SLC26A8: variants seen among roughly 807,000 people sequenced by gnomAD.
The protein encoded by SLC26A8 is solute carrier family 26 member 8, also known as testis anion transporter 1.
SLC26A8 carries 70 observed loss-of-function variants against 105.0 expected under a neutral mutation model. The observed-to-expected ratio is 0.67, with a 90% CI of 0.55 to 0.81. SLC26A8 has a LOEUF of 0.81. Among genes scored for constraint, SLC26A8 ranks in the 40% least tolerant of loss-of-function variants. SLC26A8 has a pLI of 0.00. For synonymous variants in SLC26A8, 415 were observed against 438.3 expected, an observed-to-expected ratio of 0.95 and a Z score of 0.66; for missense variants, 998 against 1,181.8, an observed-to-expected ratio of 0.84 and a Z score of 2.28.
chr6:35,985,953 A>AATAT (rs56411571), intron 7 of SLC26A8, among the ~76,000 whole-genome samples: 88 of 150,724 alleles, frequency 5.8e-4, no homozygotes, highest in African/African-American at 4.6e-4. Context: ...GTTGTTTTAA[A>AATAT]ATATATATAT....
At chr6:35,945,955 C>T (rs1369756780) in intron 19 of SLC26A8, among the ~76,000 whole-genome samples, 1 of 152,166 alleles carries the variant, frequency 6.6e-6, no homozygotes, top group Non-Finnish European at 1.5e-5. Context: ...TTCCTCCTTC[C>T]TTCCTGGTTG....
chr6:35,980,925 T>C (rs1231666540), intron 8 of SLC26A8, among the ~76,000 whole-genome samples: 1 of 151,818 alleles, frequency 6.6e-6, no homozygotes. Flanking sequence ...AGCAGGAGAA[T>C]CACTTGAACC....
chr6:35,987,526 C>A (rs1338643901), intron 7 of SLC26A8, among the ~76,000 whole-genome samples: 1 of 152,242 alleles, frequency 6.6e-6, no homozygotes, highest in East Asian at 1.9e-4. Context: ...TGCACAACAC[C>A]ATGCCCAGCT....
At chr6:35,999,700 C>A (rs1172986451) in intron 4 of SLC26A8, among the ~76,000 whole-genome samples, 2 of 152,148 alleles carry the variant, frequency 1.3e-5, no homozygotes, top group East Asian at 3.8e-4. Flanking sequence ...ATTCCTGCAT[C>A]TTCTGGGTTG....
At chr6:35,993,805 C>T (rs1217324696) in intron 5 of SLC26A8, among the ~76,000 whole-genome samples, 3 of 151,974 alleles carry the variant, frequency 2.0e-5, no homozygotes, top group East Asian at 3.9e-4. Context: ...GTGGGAGGGT[C>T]GCTTGAGCTC....
intron 2 of SLC26A8, among the ~76,000 whole-genome samples, chr6:36,014,399 T>A (rs1037195435): frequency 2.6e-5 from 4 of 152,086 alleles, no homozygotes; most frequent in Non-Finnish European, 4.4e-5. Context: ...CATTTAGACA[T>A]GAATCTGGAT....
chr6:35,983,226 T>C (rs184620397), intron 7 of SLC26A8, among the ~76,000 whole-genome samples: 2 of 152,290 alleles, frequency 1.3e-5, no homozygotes, highest in Admixed American at 1.3e-4. Context: ...GATTACAGCT[T>C]GGATCAGAGA....
chr6:35,962,643 T>C (rs750703822), intron 11 of SLC26A8, 22 bp from the exon 12 acceptor site: 2 of 1,610,462 alleles, frequency 1.2e-6, no homozygotes, highest in Non-Finnish European at 1.7e-6. Context: ...AGATAAATCA[T>C]GGTTCATTTT....
intron 3 of SLC26A8, among the ~76,000 whole-genome samples, chr6:36,011,900 T>C (rs1401650652): frequency 6.6e-6 from 1 of 152,188 alleles, no homozygotes; most frequent in Non-Finnish European, 1.5e-5. Flanking sequence ...TGAGCCACTA[T>C]GCCCACCTAT....
intron 5 of SLC26A8, among the ~76,000 whole-genome samples, chr6:35,995,737 C>T (rs750984910): frequency 2.0e-5 from 3 of 151,968 alleles, no homozygotes; most frequent in African/African-American, 4.8e-5. Flanking sequence ...TCTCAAACTC[C>T]TGGCCCCAAG....
chr6:36,005,269 C>T (rs1761653534), intron 3 of SLC26A8, among the ~76,000 whole-genome samples: 1 of 152,090 alleles, frequency 6.6e-6, no homozygotes, highest in Admixed American at 6.6e-5. Flanking sequence ...TTTATATAGT[C>T]ATAGTATATT....
At chr6:36,023,338 C>G (rs1762174045) in intron 1 of SLC26A8, among the ~76,000 whole-genome samples, 1 of 152,006 alleles carries the variant, frequency 6.6e-6, no homozygotes, top group South Asian at 2.1e-4. Flanking sequence ...CAGCTGAGGT[C>G]AGGAGTTCAA....
Position 35,997,771 on chromosome 6 carries a change from C to T in SLC26A8, c.594G>A (p.Val198=). Reference sequence around the variant, plus strand: ...TCCCAGTCAGAAAAGTTGTGGTTGCCACCACACTCAAGGATTTATTATAGC... The same window carrying T: ...TCCCAGTCAGAAAAGTTGTGGTTGCTACCACACTCAAGGATTTATTATAGC... ...LMGYNKSLSV[V]ATTTFLTGII... is the part of the protein sequence containing the mutation. Residue 198 remains valine, a synonymous_variant, in exon 5 of 20, where the codon GTG becomes GTA. Transcript: ENST00000490799. 1 of 1,614,042 alleles carries T rather than the reference C, an allele frequency of 6.2e-7. No homozygotes were observed. Among genetic ancestry groups the T allele is most frequent in the Non-Finnish European group, 8.5e-7 (1 of 1,180,006 alleles).
rs1422686335 is a variant in SLC26A8 at position 35,951,429 on chromosome 6, G to A, written c.2287+16C>T. The A allele has an allele frequency of 6.2e-7, 1 of 1,614,028 alleles. No individual in the cohort carries two copies. The highest frequency in any genetic ancestry group is 2.2e-5 in the East Asian group (1 of 44,874). On this transcript the variant is annotated intron_variant, in intron 18 of 19. Transcript: ENST00000490799. ...AGGGTGCAAAACAGCCCTCTCATAG[G>A]GTGAAGGATACTCACAGTGACACCC...
At chr6:35,956,858 G>A (rs1255723967) in intron 16 of SLC26A8, among the ~76,000 whole-genome samples, 1 of 151,608 alleles carries the variant, frequency 6.6e-6, no homozygotes, top group African/African-American at 2.4e-5. Context: ...GGCAGAAGTT[G>A]CAGGGAGTTG....
intron 5 of SLC26A8, among the ~76,000 whole-genome samples, chr6:35,996,376 C>T (rs980986376): frequency 3.3e-5 from 5 of 152,110 alleles, no homozygotes; most frequent in African/African-American, 1.2e-4. Flanking sequence ...GATAGACTCT[C>T]AGAGGAAATT....
intron 8 of SLC26A8, 64 bp from the exon 9 acceptor site, chr6:35,977,415 C>A: frequency 1.1e-5 from 16 of 1,441,390 alleles, no homozygotes; most frequent in Non-Finnish European, 1.3e-5. Context: ...CTCCGCCACT[C>A]TATTCTAACA....
chr6:35,977,295 G>A lies in SLC26A8; in HGVS notation c.1082C>T (p.Ala361Val), dbSNP rs753567658. The stretch of plus-strand genomic sequence containing the variant: ...GGAGCTCACCAAAGATAAGGAGAAG[G>A]CTTGTAAAATTATCTTGGGAAGAAG... ...FSLLPKIILQ[A>V]FSLSLVSSFL... The change falls in exon 9 of 20, where the codon GCC becomes GTC. Residue 361 changes from alanine to valine, a missense_variant. Ala to Val is a moderately conservative substitution (Grantham distance 64). Transcript: ENST00000490799. The A allele has an allele frequency of 1.9e-6, 3 of 1,614,012 alleles. No individual in the cohort carries two copies. Among genetic ancestry groups the A allele is most frequent in the Non-Finnish European group, 2.5e-6 (3 of 1,179,960 alleles).
intron 10 of SLC26A8, among the ~76,000 whole-genome samples, chr6:35,972,133 A>G (rs1487349166): frequency 6.6e-6 from 1 of 152,348 alleles, no homozygotes; most frequent in South Asian, 2.1e-4. Context: ...GTTTGCATCT[A>G]TGCCAGATAA....
Sources: allele counts gnomAD v4.1 joint callset (sites outside exome capture counted in the v4.1 genomes callset), GRCh38; gene constraint gnomAD v4.1.1; transcripts MANE v1.5; gene names NCBI Gene and HGNC (gene_info 2026-07-23, HGNC 2026-07-21).